Variants in LACTBL1 observed in about 807,000 individuals in gnomAD.
LACTBL1 encodes lactamase beta like 1.
LACTBL1 carries 29 observed loss-of-function variants against 39.6 expected under a neutral mutation model. That is an observed-to-expected ratio of 0.73 (90% CI 0.55 to 1.00). The LOEUF is 1.00. Among genes scored for constraint, LACTBL1 ranks in the 50% least tolerant of loss-of-function variants. The pLI is 0.00. For missense variants in LACTBL1, 711 were observed against 748.5 expected (o/e 0.95, Z 0.59); for synonymous variants, 361 against 360.7 (o/e 1.00, Z -0.01).
chr1:22,969,218 A>G (rs1640913969), upstream of LACTBL1, among the ~76,000 whole-genome samples: 1 of 152,226 alleles, frequency 6.6e-6, no homozygotes, highest in African/African-American at 2.4e-5. Context: ...CACAGAGGTC[A>G]GAAATAGAGG....
chr1:22,971,068 C>CTGCTA, the LACTBL1 span, among the ~76,000 whole-genome samples: 1 of 152,172 alleles, frequency 6.6e-6, no homozygotes, highest in Non-Finnish European at 1.5e-5. Flanking sequence ...GGAAGGCAGC[C>CTGCTA]TGCTATCCCC....
chr1:22,963,316 C>T (rs1301772998), intron 1 of LACTBL1, 100 bp from the exon 4 acceptor site: 2 of 609,908 alleles, frequency 3.3e-6, no homozygotes, highest in Non-Finnish European at 2.5e-6. Context: ...AAGGACAGCC[C>T]TCCCCAGCCG....
the LACTBL1 span, among the ~76,000 whole-genome samples, chr1:22,970,983 C>T: frequency 6.6e-6 from 1 of 152,132 alleles, no homozygotes; most frequent in Non-Finnish European, 1.5e-5. Context: ...TCAGATATTG[C>T]CACTGGATCA....
chr1:22,965,903 G>C (rs1640871934), upstream of LACTBL1, among the ~76,000 whole-genome samples: 1 of 152,158 alleles, frequency 6.6e-6, no homozygotes, highest in Admixed American at 6.5e-5. Context: ...ACAACCCATA[G>C]AGACAGAAAG....
upstream of LACTBL1, among the ~76,000 whole-genome samples, chr1:22,969,013 A>G (rs1640912255): frequency 1.3e-5 from 2 of 152,274 alleles, no homozygotes; most frequent in South Asian, 4.1e-4. Context: ...CCTGGGCTCA[A>G]GCAATCCTCC....
the LACTBL1 span, among the ~76,000 whole-genome samples, chr1:22,970,721 G>A: frequency 6.7e-6 from 1 of 148,258 alleles, no homozygotes; most frequent in Non-Finnish European, 1.5e-5. Context: ...GAGGTGTGAG[G>A]ATTGCTTGAG....
At chr1:22,971,679 G>A in the LACTBL1 span, among the ~76,000 whole-genome samples, 1 of 152,238 alleles carries the variant, frequency 6.6e-6, no homozygotes, top group Non-Finnish European at 1.5e-5. Flanking sequence ...GGAGCCAGAA[G>A]GACAGTGGCA....
chr1:22,972,139 A>AGATGAT, the LACTBL1 span, among the ~76,000 whole-genome samples: 500 of 148,366 alleles, frequency 3.4e-3, 3 homozygotes, highest in South Asian at 7.5e-3. Context: ...CAAGCTCTAG[A>AGATGAT]GATGATGATG....
exon 6 of LACTBL1, chr1:22,953,820 G>C (rs1004087651): frequency 2.6e-6 from 4 of 1,547,666 alleles, no homozygotes; most frequent in Non-Finnish European, 3.5e-6. Context: ...ACCAGCCCAG[G>C]TCATAGAGTG....
upstream of LACTBL1, among the ~76,000 whole-genome samples, chr1:22,968,524 A>G (rs1041915110): frequency 3.3e-5 from 5 of 152,172 alleles, no homozygotes; most frequent in African/African-American, 1.2e-4. Context: ...GATTTTCTGC[A>G]GTTGGACTGT....
chr1:22,953,345 G>T, exon 6 of LACTBL1: 1 of 1,229,046 alleles, frequency 8.1e-7, no homozygotes, highest in Non-Finnish European at 1.0e-6. Flanking sequence ...TCGCCCGCCG[G>T]CCCGGCGCGC....
At chr1:22,955,511 G>A (rs941678103) in intron 4 of LACTBL1, 85 bp from the exon 7 acceptor site, 5 of 816,544 alleles carry the variant, frequency 6.1e-6, no homozygotes, top group African/African-American at 1.7e-5. Context: ...CCCACCTTCC[G>A]TGAGTTGAGA....
At chr1:22,955,714 A>G (rs1640754916) in intron 4 of LACTBL1, among the ~76,000 whole-genome samples, 1 of 152,174 alleles carries the variant, frequency 6.6e-6, no homozygotes, top group Non-Finnish European at 1.5e-5. Flanking sequence ...TAAAATGTTT[A>G]GTATGGTGCC....
upstream of LACTBL1, among the ~76,000 whole-genome samples, chr1:22,965,743 C>T (rs1483697826): frequency 5.9e-5 from 9 of 152,276 alleles, no homozygotes; most frequent in Middle Eastern, 3.4e-3. Context: ...TCTGTTCTCA[C>T]GCTGCTAATA....
chr1:22,953,944 C>T lies in LACTBL1; in HGVS notation c.740G>A (p.Trp247Ter). The T allele has an allele frequency of 7.1e-6, 11 of 1,550,282 alleles. No homozygotes were observed. Among genetic ancestry groups the T allele is most frequent in the Non-Finnish European group, 9.6e-6 (11 of 1,146,788 alleles). ...CGGCTCCAGCACGTTCTCCGAGACC[C>T]AGCGCTGGTAGTCGCCCTGGGCGGT... Residue 247 changes from tryptophan to a stop codon, truncating the protein, a stop_gained, in exon 6 of 6, where the codon TGG becomes TAG. Transcript: ENST00000426928. LOFTEE classifies it high-confidence loss of function.
chr1:22,960,127 C>G (rs1640805042), intron 2 of LACTBL1, 28 bp from the exon 5 acceptor site: 1 of 1,549,638 alleles, frequency 6.5e-7, no homozygotes, highest in Non-Finnish European at 8.7e-7. Context: ...GGTGCAGTGA[C>G]AGGCCCCCCT....
the LACTBL1 span, among the ~76,000 whole-genome samples, chr1:22,972,126 G>A: frequency 1.2e-4 from 18 of 151,374 alleles, no homozygotes; most frequent in South Asian, 2.9e-3. Flanking sequence ...TGGCCTGCAG[G>A]TGCAAGCTCT....
At chr1:22,966,881 C>T (rs1640885546), upstream of LACTBL1, among the ~76,000 whole-genome samples, 1 of 152,196 alleles carries the variant, frequency 6.6e-6, no homozygotes. Flanking sequence ...TCAATCCCTA[C>T]CTCCAGCCAG....
the LACTBL1 span, among the ~76,000 whole-genome samples, chr1:22,970,906 A>G: frequency 6.6e-6 from 1 of 152,118 alleles, no homozygotes; most frequent in African/African-American, 2.4e-5. Context: ...TAAAGATCCC[A>G]AAAGCATTGG....
Sources: allele counts gnomAD v4.1 joint callset (sites outside exome capture counted in the v4.1 genomes callset), GRCh38; gene constraint gnomAD v4.1.1; transcripts MANE v1.5; gene names NCBI Gene and HGNC (gene_info 2026-07-23, HGNC 2026-07-21).